The following GRM1 variants were observed in gnomAD, a reference collection of about 807,000 sequenced individuals.
The protein encoded by GRM1 is glutamate metabotropic receptor 1.
In GRM1, 33 loss-of-function variants were observed where a neutral mutation model predicts 90.9. That is an observed-to-expected ratio of 0.36 (90% CI 0.28 to 0.49). GRM1 has a LOEUF of 0.49. Among genes scored for constraint, GRM1 ranks in the 20% least tolerant of loss-of-function variants. The pLI is 0.99. For missense variants in GRM1, 1,190 were observed against 1,534.3 expected (o/e 0.78, Z 3.75); for synonymous variants, 700 against 613.2 (o/e 1.14, Z -2.09).
At chr6:146,066,087 CA>C (rs1439991735) in intron 1 of GRM1, among the ~76,000 whole-genome samples, 7 of 151,940 alleles carry the variant, frequency 4.6e-5, no homozygotes, top group Admixed American at 2.6e-4. Flanking sequence ...ATTTTGGAAC[CA>C]GGGGGTACAT....
intron 2 of GRM1, among the ~76,000 whole-genome samples, chr6:146,178,867 G>T (rs1363670710): frequency 6.6e-6 from 1 of 152,104 alleles, no homozygotes; most frequent in Non-Finnish European, 1.5e-5. Context: ...CCACTGGCTG[G>T]CACTGCTAAG....
chr6:146,303,472 G>A (rs1783466684), intron 2 of GRM1, among the ~76,000 whole-genome samples: 1 of 152,108 alleles, frequency 6.6e-6, no homozygotes, highest in Non-Finnish European at 1.5e-5. Flanking sequence ...TTATTTCTCT[G>A]CCTTTTTGAG....
intron 2 of GRM1, among the ~76,000 whole-genome samples, chr6:146,209,671 A>C (rs563741640): frequency 6.6e-6 from 1 of 152,102 alleles, no homozygotes; most frequent in Admixed American, 6.6e-5. Context: ...TGGAAGGGAG[A>C]TGTTTGAGAC....
intron 2 of GRM1, among the ~76,000 whole-genome samples, chr6:146,259,866 T>C (rs1033388404): frequency 6.6e-6 from 1 of 151,464 alleles, no homozygotes; most frequent in African/African-American, 2.4e-5. Flanking sequence ...TTAAGAACTT[T>C]CATGCTGTTC....
intron 1 of GRM1, among the ~76,000 whole-genome samples, chr6:146,080,514 G>A (rs1479389542): frequency 6.6e-6 from 1 of 152,142 alleles, no homozygotes; most frequent in Non-Finnish European, 1.5e-5. Context: ...ACTGATGAGA[G>A]AAGGGAGGAA....
rs1283464297 is a variant in GRM1 at position 146,244,037 on chromosome 6, A to G, written c.951-60574A>G. Among the ~76,000 whole-genome samples the G allele has an allele frequency of 3.3e-5, 5 of 152,222 alleles. No individual in the cohort carries two copies. In the East Asian group the frequency reaches 9.7e-4, roughly 29 times the overall value. ...TCTCAGGCAGCCAGACCTAATGGTT[A>G]TCTCCCTTGTTCCCTGAACATAGCT... is the stretch of plus-strand genomic sequence containing the variant. On this transcript the variant is annotated intron_variant, in intron 2 of 7. Transcript: ENST00000282753.
chr6:146,386,403 T>A (rs1776503723), intron 5 of GRM1, among the ~76,000 whole-genome samples: 1 of 152,116 alleles, frequency 6.6e-6, no homozygotes, highest in Non-Finnish European at 1.5e-5. Context: ...GTATATATAG[T>A]TGCTCTTGAG....
At chr6:146,183,665 T>G (rs1457247009) in intron 2 of GRM1, among the ~76,000 whole-genome samples, 2 of 152,192 alleles carry the variant, frequency 1.3e-5, no homozygotes, top group Non-Finnish European at 2.9e-5. Context: ...CTTAAAGTTC[T>G]TTGTGTCTTT....
chr6:146,029,415 C>T lies in GRM1; in HGVS notation c.-103C>T, dbSNP rs1328160041. 3.3e-6 allele frequency: 3 copies of T among 914,482 alleles called. No individual in the cohort carries two copies. Among genetic ancestry groups the T allele is most frequent in the Non-Finnish European group, 5.5e-6 (3 of 546,730 alleles). The allele number at this position is 914,482 out of a possible 1,614,324, so 56.6% of individuals were successfully genotyped here. A position where few individuals can be genotyped will look rare whatever the true frequency, so the allele number is the denominator to read the frequency against. On this transcript the variant is annotated 5_prime_UTR_variant, in exon 1 of 8. Coordinates refer to ENST00000282753, the MANE Select transcript of GRM1 (RefSeq NM_001278064.2). Reference sequence around the variant, plus strand: ...CCATTGTTGGCGAGGGGCACCACTCCGGGAGAGGCGGCGCTGGGCGTCTTG... The same window carrying T: ...CCATTGTTGGCGAGGGGCACCACTCTGGGAGAGGCGGCGCTGGGCGTCTTG...
intron 7 of GRM1, among the ~76,000 whole-genome samples, chr6:146,404,218 T>C (rs1440337670): frequency 6.6e-6 from 1 of 152,150 alleles, no homozygotes; most frequent in Non-Finnish European, 1.5e-5. Flanking sequence ...TGGATAGTAA[T>C]ATTTATTGAG....
chr6:146,389,435 A>G (rs998171109), intron 6 of GRM1, among the ~76,000 whole-genome samples: 7 of 151,998 alleles, frequency 4.6e-5, no homozygotes, highest in Admixed American at 4.6e-4. Context: ...AAAAAACATG[A>G]TATGATGTAA....
intron 3 of GRM1, among the ~76,000 whole-genome samples, chr6:146,319,573 C>A (rs925887048): frequency 5.0e-4 from 76 of 152,112 alleles, no homozygotes; most frequent in African/African-American, 1.7e-3. Flanking sequence ...TGGCCATTTT[C>A]AAGATATTGA....
At chr6:146,428,465 G>T (rs985837990) in intron 7 of GRM1, among the ~76,000 whole-genome samples, 17 of 152,122 alleles carry the variant, frequency 1.1e-4, no homozygotes, top group African/African-American at 4.1e-4. Flanking sequence ...GCATTTCTTT[G>T]TTGGGAAATT....
chr6:146,161,601 T>G (rs960253214), intron 2 of GRM1, among the ~76,000 whole-genome samples: 1 of 152,140 alleles, frequency 6.6e-6, no homozygotes, highest in African/African-American at 2.4e-5. Flanking sequence ...ATTGTCTCAA[T>G]GAACACCTGA....
intron 1 of GRM1, among the ~76,000 whole-genome samples, chr6:146,109,603 C>A (rs1451656764): frequency 6.6e-6 from 1 of 152,200 alleles, no homozygotes; most frequent in Non-Finnish European, 1.5e-5. Context: ...CATGCAGAGT[C>A]ACTACTGTGG....
chr6:146,285,136 G>A (rs1230689622), intron 2 of GRM1, among the ~76,000 whole-genome samples: 1 of 152,038 alleles, frequency 6.6e-6, no homozygotes, highest in African/African-American at 2.4e-5. Context: ...TTTGATGGAG[G>A]CATGTACCAT....
intron 1 of GRM1, among the ~76,000 whole-genome samples, chr6:146,083,940 C>T (rs1776453037): frequency 6.6e-6 from 1 of 152,142 alleles, no homozygotes; most frequent in Admixed American, 6.5e-5. Flanking sequence ...TGGGATTCAA[C>T]TTCTTCTTGG....
chr6:146,147,313 C>T (rs376759126), intron 1 of GRM1, among the ~76,000 whole-genome samples: 17 of 152,184 alleles, frequency 1.1e-4, no homozygotes, highest in African/African-American at 4.1e-4. Context: ...ATTCAAATCC[C>T]AGCTCCGACA....
intron 3 of GRM1, among the ~76,000 whole-genome samples, chr6:146,312,919 C>T (rs1227057814): frequency 6.6e-6 from 1 of 152,130 alleles, no homozygotes; most frequent in Non-Finnish European, 1.5e-5. Context: ...CTTAAAGAGC[C>T]TAGTTAAGTT....
Sources: gnomAD v4.1 joint callset for allele counts (sites outside exome capture counted in the v4.1 genomes callset) on GRCh38, gnomAD v4.1.1 for gene constraint, MANE v1.5 for transcripts, NCBI Gene and HGNC (gene_info 2026-07-23, HGNC 2026-07-21) for gene names.